The following BDNF variants were observed in gnomAD, a reference collection of about 807,000 sequenced individuals.
The protein encoded by BDNF is neurotrophic factor BDNF precursor form.
In BDNF, 1 loss-of-function variant was observed where a neutral mutation model predicts 19.5. The ratio of observed to expected loss-of-function variants is 0.05; its 90% CI spans 0.02 to 0.24. The LOEUF (loss-of-function observed/expected upper bound fraction) is 0.24, where lower values mean the gene tolerates loss of function less well. Among genes scored for constraint, BDNF ranks in the 10% least tolerant of loss-of-function variants. The pLI is 1.00. For synonymous variants in BDNF, 100 were observed against 121.6 expected, an observed-to-expected ratio of 0.82 and a Z score of 1.17; for missense variants, 195 against 317.6, an observed-to-expected ratio of 0.61 and a Z score of 2.93.
chr11:27,715,198 C>T (rs1365379490), intron 1 of BDNF, among the ~76,000 whole-genome samples: 4 of 152,158 alleles, frequency 2.6e-5, no homozygotes, highest in Non-Finnish European at 4.4e-5. Context: ...AAATGATCAG[C>T]CAAGCTCATG....
At chr11:27,707,361 T>C (rs1292271544) in intron 1 of BDNF, among the ~76,000 whole-genome samples, 3 of 152,228 alleles carry the variant, frequency 2.0e-5, no homozygotes, top group Non-Finnish European at 2.9e-5. Flanking sequence ...TCAGGAGATA[T>C]TCTATGGTGT....
At chr11:27,664,070 G>A (rs898292693) in intron 1 of BDNF, among the ~76,000 whole-genome samples, 1 of 151,678 alleles carries the variant, frequency 6.6e-6, no homozygotes, top group Admixed American at 6.6e-5. Context: ...CAGCCCCTTT[G>A]GGTTTTACCT....
chr11:27,669,077 C>T (rs1854878047), intron 1 of BDNF, among the ~76,000 whole-genome samples: 1 of 152,192 alleles, frequency 6.6e-6, no homozygotes, highest in Non-Finnish European at 1.5e-5. Flanking sequence ...AAGTTGGCTT[C>T]ATCCCTGGGA....
chr11:27,716,139 C>T (rs1183604635), intron 1 of BDNF, among the ~76,000 whole-genome samples: 1 of 152,086 alleles, frequency 6.6e-6, no homozygotes, highest in East Asian at 1.9e-4. Context: ...TCTCAAAAGA[C>T]ACTTGTTAAA....
chr11:27,682,417 A>T lies in BDNF; in HGVS notation c.-22+17747T>A, dbSNP rs560377087. Among the ~76,000 whole-genome samples, 116 of 150,508 alleles carry T rather than the reference A, an allele frequency of 7.7e-4. No homozygotes were observed. In the East Asian group the frequency reaches 0.015, roughly 20 times the overall value. On this transcript the variant is annotated intron_variant, in intron 1 of 1. Transcript: ENST00000356660. ...CTTTTATTATTATTATTATAATAAT[A>T]ATAATAATACTTTTAAGTTCTGGGG...
chr11:27,707,262 T>G lies in BDNF; in HGVS notation c.3+14150A>C, dbSNP rs1011026900. Among the ~76,000 whole-genome samples the G allele has an allele frequency of 1.2e-4, 19 of 152,284 alleles. No individual in the cohort carries two copies. In the South Asian group the frequency reaches 3.1e-3, roughly 25 times the overall value. On this transcript the variant is annotated intron_variant, in intron 1 of 1. Coordinates refer to the BDNF transcript ENST00000314915. ...CCTACATGATACCTAGAATCAAGTC[T>G]TCATAAATTCATCAAGTATGTCTCC...
chr11:27,717,402 C>G (rs1458177861), intron 1 of BDNF, among the ~76,000 whole-genome samples: 2 of 152,156 alleles, frequency 1.3e-5, no homozygotes, highest in African/African-American at 4.8e-5. Flanking sequence ...GTGCCTGCTT[C>G]CCAGTTTGCA....
At chr11:27,715,303 G>A (rs777016032) in intron 1 of BDNF, among the ~76,000 whole-genome samples, 1 of 152,204 alleles carries the variant, frequency 6.6e-6, no homozygotes, top group Non-Finnish European at 1.5e-5. Flanking sequence ...AAACAAGCCA[G>A]CATGAATTCA....
At chr11:27,680,148 AAATG>A (rs747391259) in intron 1 of BDNF, among the ~76,000 whole-genome samples, 9 of 152,218 alleles carry the variant, frequency 5.9e-5, no homozygotes, top group Non-Finnish European at 1.3e-4. Context: ...GAGGACATCA[AAATG>A]AATGAGACTG....
chr11:27,663,474 G>A (rs953323630), intron 1 of BDNF, among the ~76,000 whole-genome samples: 7 of 152,202 alleles, frequency 4.6e-5, no homozygotes, highest in African/African-American at 1.7e-4. Flanking sequence ...CTGAAAGAAT[G>A]TCCATAACAA....
Position 27,657,949 on chromosome 11 carries a change from AGTT to A in BDNF, c.613_615del (p.Asn205del). On this transcript the variant is annotated inframe_deletion, in exon 2 of 2. Coordinates refer to ENST00000356660, the MANE Select transcript of BDNF (RefSeq NM_001709.5). The surrounding 1 kb of genome is among the most constrained non-coding windows in gnomAD (Gnocchi z 5.0). ...TACGACTGGGTAGTTCGGCACTGGG[AGTT>A]CCAATGCCTTTTGTCTATGCCCCTG... is the stretch of plus-strand genomic sequence containing the variant. 6.2e-7 allele frequency: 1 copy of A among 1,614,068 alleles called. No homozygotes were observed. Among genetic ancestry groups the A allele is most frequent in the Non-Finnish European group, 8.5e-7 (1 of 1,180,024 alleles).
upstream of BDNF, chr11:27,701,744 G>A: frequency 4.5e-6 from 2 of 448,224 alleles, no homozygotes; most frequent in Non-Finnish European, 5.9e-6. Context: ...AAAATTCAGC[G>A]CATTTAAAAT....
chr11:27,693,055 A>G (rs757561746), intron 1 of BDNF, among the ~76,000 whole-genome samples: 17 of 152,206 alleles, frequency 1.1e-4, no homozygotes, highest in Non-Finnish European at 2.2e-4. Flanking sequence ...CTCACATGCA[A>G]TGCTTTCAAA....
upstream of BDNF, chr11:27,700,874 G>A: frequency 7.8e-7 from 1 of 1,284,244 alleles, no homozygotes; most frequent in Non-Finnish European, 1.0e-6. Flanking sequence ...CACGCCCCGA[G>A]GTCTCGCTCC....
At chr11:27,668,472 G>C (rs527562915) in intron 1 of BDNF, among the ~76,000 whole-genome samples, 1 of 152,114 alleles carries the variant, frequency 6.6e-6, no homozygotes, top group Non-Finnish European at 1.5e-5. Flanking sequence ...GAACCCAGGA[G>C]CTGGTTTTTT....
rs558014508 is a variant in BDNF, at chr11:27,659,631, G to C, written c.-21-1046C>G. The C allele has an allele frequency of 5.1e-5, 46 of 896,830 alleles. No individual in the cohort carries two copies. The African/African-American group carries it at 6.8e-4, about 13-fold the overall frequency. 55.6% of individuals were successfully genotyped at this position (896,830 alleles called of 1,614,324 possible). ...TCTTTTTACTAGAGATGTTCTCTCT[G>C]TGTGTGTGTGTGTGTGTGCGCGCGC... On this transcript the variant is annotated intron_variant, in intron 1 of 1. Coordinates refer to ENST00000356660, the MANE Select transcript of BDNF (RefSeq NM_001709.5).
intron 1 of BDNF, among the ~76,000 whole-genome samples, chr11:27,692,989 T>C (rs1331599092): frequency 6.6e-6 from 1 of 152,206 alleles, no homozygotes; most frequent in African/African-American, 2.4e-5. Flanking sequence ...CACTTGCCAT[T>C]CCAGCCTAAG....
chr11:27,676,309 T>A (rs1030926907), intron 1 of BDNF, among the ~76,000 whole-genome samples: 2 of 152,196 alleles, frequency 1.3e-5, no homozygotes, highest in Non-Finnish European at 2.9e-5. Context: ...CTTTCCCCTA[T>A]ACAGTGGCCC....
chr11:27,679,614 C>T (rs1260149416), intron 1 of BDNF, among the ~76,000 whole-genome samples: 1 of 152,156 alleles, frequency 6.6e-6, no homozygotes, highest in Non-Finnish European at 1.5e-5. Flanking sequence ...GGCACATTCC[C>T]ACCTGTCAAT....
Sources: allele counts gnomAD v4.1 joint callset (sites outside exome capture counted in the v4.1 genomes callset), GRCh38; gene constraint gnomAD v4.1.1; non-coding constraint Gnocchi (gnomAD v3.1); transcripts MANE v1.5; gene names NCBI Gene and HGNC (gene_info 2026-07-23, HGNC 2026-07-21).